PRKCE: variants seen among roughly 807,000 people sequenced by gnomAD.
PRKCE encodes protein kinase C epsilon.
A neutral mutation model predicts 85.4 loss-of-function variants in PRKCE; 16 were observed. That is an observed-to-expected ratio of 0.19 (90% CI 0.13 to 0.28). The LOEUF is 0.28. PRKCE is among the 10% of genes least tolerant of loss of function. The pLI is 1.00. For missense variants in PRKCE, 573 were observed against 975.2 expected (o/e 0.59, Z 5.49); for synonymous variants, 388 against 371.5 (o/e 1.04, Z -0.51).
intron 11 of PRKCE, among the ~76,000 whole-genome samples, chr2:46,107,592 A>G (rs1431327316): frequency 2.0e-5 from 3 of 152,214 alleles, no homozygotes; most frequent in Non-Finnish European, 4.4e-5. Context: ...CAATTGCTGG[A>G]TTATATGGAA....
chr2:45,938,826 C>G (rs1699671013), intron 2 of PRKCE, among the ~76,000 whole-genome samples: 1 of 152,220 alleles, frequency 6.6e-6, no homozygotes, highest in African/African-American at 2.4e-5. Flanking sequence ...AACATTGGCC[C>G]TATTCCTGAT....
chr2:45,824,201 G>A (rs887355517), intron 1 of PRKCE, among the ~76,000 whole-genome samples: 8 of 152,230 alleles, frequency 5.3e-5, no homozygotes, highest in Middle Eastern at 3.2e-3. Context: ...CAGCAGGACT[G>A]TTCTGTTGTT....
chr2:45,671,464 T>C (rs902601836), intron 1 of PRKCE, among the ~76,000 whole-genome samples: 1 of 152,196 alleles, frequency 6.6e-6, no homozygotes, highest in Admixed American at 6.5e-5. Flanking sequence ...CCATTACACA[T>C]TTAATACCAT....
At chr2:45,854,276 G>A (rs184975831) in intron 2 of PRKCE, among the ~76,000 whole-genome samples, 9 of 152,288 alleles carry the variant, frequency 5.9e-5, no homozygotes, top group African/African-American at 2.2e-4. Flanking sequence ...ATGGGGACAA[G>A]GACTGTCCCT....
chr2:46,143,267 C>A (rs1379822269), intron 11 of PRKCE, among the ~76,000 whole-genome samples: 1 of 152,052 alleles, frequency 6.6e-6, no homozygotes, highest in Non-Finnish European at 1.5e-5. Context: ...TGTTCCTTTT[C>A]CAATTAGTAT....
At chr2:46,081,428 C>G (rs1669066454) in intron 10 of PRKCE, among the ~76,000 whole-genome samples, 1 of 152,232 alleles carries the variant, frequency 6.6e-6, no homozygotes, top group South Asian at 2.1e-4. Flanking sequence ...GCCAGAGTTA[C>G]CAACAGTTCC....
chr2:45,715,948 A>G (rs962407275), intron 1 of PRKCE, among the ~76,000 whole-genome samples: 16 of 152,096 alleles, frequency 1.1e-4, no homozygotes, highest in African/African-American at 3.6e-4. Context: ...TCCCTCCTGG[A>G]TGGAGGCCTA....
At chr2:45,984,028 C>G (rs1652805317) in intron 5 of PRKCE, among the ~76,000 whole-genome samples, 1 of 150,644 alleles carries the variant, frequency 6.6e-6, no homozygotes, top group South Asian at 2.1e-4. Flanking sequence ...ACCTCTGCCT[C>G]CCGGATTCAA....
intron 11 of PRKCE, among the ~76,000 whole-genome samples, chr2:46,111,225 A>G (rs1055336589): frequency 6.6e-6 from 1 of 152,188 alleles, no homozygotes; most frequent in Non-Finnish European, 1.5e-5. Context: ...AATGCTGTTC[A>G]GGTCAACTAT....
At chr2:45,972,204 G>T (rs1702154600) in intron 2 of PRKCE, among the ~76,000 whole-genome samples, 1 of 152,076 alleles carries the variant, frequency 6.6e-6, no homozygotes, top group Non-Finnish European at 1.5e-5. Flanking sequence ...GTATTTCCCT[G>T]ATGATTAGTG....
In PRKCE at chr2:46,004,859, T is replaced by C. The variant is rs981403001; in HGVS notation, c.1063+221T>C. The stretch of plus-strand genomic sequence containing the variant: ...ATGGCCATATCTGCCTTAATTTCCT[T>C]CCAGGCCAGGGTAAGAGGAGAGCGA... On this transcript the variant is annotated intron_variant, in intron 8 of 14. Transcript: ENST00000306156. This position sits in a 1 kb window ranked among gnomAD's most constrained non-coding sequence, Gnocchi z 4.1. 6.6e-6 allele frequency among the ~76,000 whole-genome samples: 1 copy of C among 152,252 alleles called. No homozygotes were observed. Among genetic ancestry groups the C allele is most frequent in the Non-Finnish European group, 1.5e-5 (1 of 68,018 alleles).
At chr2:46,172,499 G>C (rs1679013754) in intron 14 of PRKCE, among the ~76,000 whole-genome samples, 1 of 131,714 alleles carries the variant, frequency 7.6e-6, no homozygotes, top group Non-Finnish European at 1.7e-5. Context: ...GCCTGGGCGT[G>C]CCTGGGCGGC....
chr2:45,868,634 T>G (rs940344266), intron 2 of PRKCE, among the ~76,000 whole-genome samples: 1 of 150,536 alleles, frequency 6.6e-6, no homozygotes, highest in South Asian at 2.1e-4. Flanking sequence ...GATTTTTGTC[T>G]TTTAAATAGC....
intron 14 of PRKCE, among the ~76,000 whole-genome samples, chr2:46,162,343 AG>A (rs1677860612): frequency 6.6e-6 from 1 of 152,180 alleles, no homozygotes; most frequent in Non-Finnish European, 1.5e-5. Context: ...GGAAGCTTTC[AG>A]GGTCCTTATC....
At chr2:45,674,405 T>C (rs1419767210) in intron 1 of PRKCE, among the ~76,000 whole-genome samples, 1 of 152,216 alleles carries the variant, frequency 6.6e-6, no homozygotes, top group Admixed American at 6.5e-5. Context: ...CAGGAAAAGA[T>C]GGACTTTTGG....
chr2:45,689,672 G>A (rs1246048134), intron 1 of PRKCE, among the ~76,000 whole-genome samples: 1 of 151,984 alleles, frequency 6.6e-6, no homozygotes, highest in African/African-American at 2.4e-5. Context: ...TGCTTTGGGA[G>A]GCCGAGGGAG....
At chr2:46,021,182 G>A (rs1159626672) in intron 10 of PRKCE, among the ~76,000 whole-genome samples, 1 of 152,180 alleles carries the variant, frequency 6.6e-6, no homozygotes, top group South Asian at 2.1e-4. Context: ...GATGAGTCCT[G>A]CTGCTGTTGC....
intron 1 of PRKCE, among the ~76,000 whole-genome samples, chr2:45,779,618 A>G (rs567096250): frequency 1.8e-3 from 274 of 151,942 alleles, no homozygotes; most frequent in African/African-American, 5.7e-3. Flanking sequence ...AAAAAAAAAA[A>G]AGAGAAAATC....
intron 11 of PRKCE, among the ~76,000 whole-genome samples, chr2:46,102,781 C>T (rs1671361190): frequency 6.6e-6 from 1 of 152,182 alleles, no homozygotes; most frequent in Non-Finnish European, 1.5e-5. Context: ...ATGGATTAGA[C>T]AGGAATACCT....
Sources: allele counts gnomAD v4.1 joint callset (sites outside exome capture counted in the v4.1 genomes callset), GRCh38; gene constraint gnomAD v4.1.1; non-coding constraint Gnocchi (gnomAD v3.1); transcripts MANE v1.5; gene names NCBI Gene and HGNC (gene_info 2026-07-23, HGNC 2026-07-21).